The following PCBP3 variants were observed in gnomAD, a reference collection of about 807,000 sequenced individuals.
PCBP3 encodes poly(rC) binding protein 3, also known as poly(rC)-binding protein 3.
PCBP3 carries 25 observed loss-of-function variants against 52.7 expected under a neutral mutation model. The ratio of observed to expected loss-of-function variants is 0.47; its 90% CI spans 0.35 to 0.66. The LOEUF is 0.66. Ranked by LOEUF, PCBP3 falls within the 30% of genes least tolerant of loss-of-function variation. PCBP3 has a pLI of 0.01. For synonymous variants in PCBP3, 162 were observed against 183.0 expected (o/e 0.89, Z 0.93); for missense variants, 391 against 490.3 (o/e 0.80, Z 1.91).
chr21:45,908,557 G>A (rs868704025), intron 9 of PCBP3, among the ~76,000 whole-genome samples: 6 of 152,320 alleles, frequency 3.9e-5, no homozygotes, highest in Middle Eastern at 6.8e-3. Flanking sequence ...TGGATCCAGA[G>A]CTGGGGGTGT....
chr21:45,873,657 C>T (rs2095128481), intron 5 of PCBP3, among the ~76,000 whole-genome samples: 1 of 152,178 alleles, frequency 6.6e-6, no homozygotes, highest in Non-Finnish European at 1.5e-5. Context: ...ATTCACCTGC[C>T]CGTGCAGGGG....
At chr21:45,847,817 C>T (rs1376089597) in intron 4 of PCBP3, among the ~76,000 whole-genome samples, 1 of 152,172 alleles carries the variant, frequency 6.6e-6, no homozygotes, top group African/African-American at 2.4e-5. Flanking sequence ...TCAGTTTGTT[C>T]AAGTACATGA....
rs543327975 is a variant in PCBP3, at chr21:45,917,862, G to A, written c.717+233G>A. 366 of 562,828 alleles carry A rather than the reference G, an allele frequency of 6.5e-4. 6 individuals are homozygous for A. The highest frequency in any genetic ancestry group is 6.0e-3 in the South Asian group (328 of 54,482). The allele number at this position is 562,828 out of a possible 1,614,324, so 34.9% of individuals were successfully genotyped here. A position where few individuals can be genotyped will look rare whatever the true frequency, so the allele number is the denominator to read the frequency against. On this transcript the variant is annotated intron_variant, in intron 13 of 17. Coordinates refer to ENST00000681687, the MANE Select transcript of PCBP3 (RefSeq NM_001384156.1). The surrounding 1 kb of genome is among the most constrained non-coding windows in gnomAD (Gnocchi z 5.3). ...GATGTCAAATTGTCTCAATTCTGCC[G>A]CAGTCCTGGGTTTTCCTCCCTCCCA... is the stretch of plus-strand genomic sequence containing the variant.
chr21:45,702,318 C>T (rs2083181058), intron 2 of PCBP3, among the ~76,000 whole-genome samples: 1 of 152,150 alleles, frequency 6.6e-6, no homozygotes, highest in African/African-American at 2.4e-5. Flanking sequence ...TGAAGATTTT[C>T]CTAACGTTAA....
At chr21:45,914,127 G>T (rs750296934) in intron 12 of PCBP3, 102 bp downstream of exon 12, 9 of 1,580,004 alleles carry the variant, frequency 5.7e-6, no homozygotes, top group African/African-American at 1.4e-5. Context: ...GCCTTCTCAC[G>T]TGCACGTCTC....
chr21:45,925,546 G>A (rs998470489), intron 13 of PCBP3, among the ~76,000 whole-genome samples: 4 of 151,988 alleles, frequency 2.6e-5, no homozygotes, highest in African/African-American at 9.7e-5. Context: ...GAACAAATAG[G>A]CAAGCAAACA....
intron 9 of PCBP3, among the ~76,000 whole-genome samples, chr21:45,907,559 A>G (rs1296408646): frequency 2.0e-5 from 3 of 152,148 alleles, no homozygotes; most frequent in South Asian, 2.1e-4. Flanking sequence ...GGACTTTGCT[A>G]TGGGACCTTT....
In PCBP3 at chr21:45,791,324, G is replaced by C. The variant is rs1322436236; in HGVS notation, c.-126+35872G>C. 6.6e-6 allele frequency among the ~76,000 whole-genome samples: 1 copy of C among 152,242 alleles called. No individual in the cohort carries two copies. Among genetic ancestry groups the C allele is most frequent in the Non-Finnish European group, 1.5e-5 (1 of 68,048 alleles). Reference sequence around the variant, plus strand: ...AGGCTGGGAGCATGGCCAGCCCAGGGAGTGAGTGTGGTCACTGGTGTGTGT... The same window carrying C: ...AGGCTGGGAGCATGGCCAGCCCAGGCAGTGAGTGTGGTCACTGGTGTGTGT... On this transcript the variant is annotated intron_variant, in intron 4 of 17. Coordinates refer to ENST00000681687, the MANE Select transcript of PCBP3 (RefSeq NM_001384156.1). This position sits in a 1 kb window ranked among gnomAD's most constrained non-coding sequence, Gnocchi z 4.2.
chr21:45,855,357 G>A (rs2094239077), intron 5 of PCBP3, among the ~76,000 whole-genome samples: 1 of 152,150 alleles, frequency 6.6e-6, no homozygotes, highest in Non-Finnish European at 1.5e-5. Context: ...CTCATCCCCA[G>A]CTTCACATAC....
chr21:45,674,239 A>T, intron 2 of PCBP3, among the ~76,000 whole-genome samples: 1 of 152,184 alleles, frequency 6.6e-6, no homozygotes, highest in Admixed American at 6.5e-5. Flanking sequence ...GTTATTCTTT[A>T]TGTAGGAAGA....
intron 5 of PCBP3, among the ~76,000 whole-genome samples, chr21:45,886,087 G>A (rs1276355790): frequency 6.6e-6 from 1 of 152,124 alleles, no homozygotes; most frequent in Non-Finnish European, 1.5e-5. Context: ...AAGGGCAGAG[G>A]ACGTGGTGAG....
intron 6 of PCBP3, among the ~76,000 whole-genome samples, chr21:45,896,800 G>A (rs1054562943): frequency 1.3e-4 from 19 of 149,148 alleles, no homozygotes; most frequent in African/African-American, 4.5e-4. Flanking sequence ...CATTGTCTCT[G>A]TAGGAAAGGC....
chr21:45,789,300 A>T (rs2091377187), intron 4 of PCBP3, among the ~76,000 whole-genome samples: 1 of 152,152 alleles, frequency 6.6e-6, no homozygotes. Context: ...GTGTACCCGC[A>T]TGTGTGCGAG....
intron 4 of PCBP3, among the ~76,000 whole-genome samples, chr21:45,775,619 A>G (rs928404038): frequency 6.6e-6 from 1 of 152,120 alleles, no homozygotes; most frequent in African/African-American, 2.4e-5. Flanking sequence ...AGGTCTTGCT[A>G]TGTTGCCCAG....
intron 9 of PCBP3, among the ~76,000 whole-genome samples, chr21:45,905,273 G>T (rs1183265234): frequency 6.6e-6 from 1 of 152,154 alleles, no homozygotes; most frequent in Non-Finnish European, 1.5e-5. Flanking sequence ...CACTGGCCTC[G>T]CATCTGCAGT....
chr21:45,703,968 A>G (rs1224656190), intron 2 of PCBP3, among the ~76,000 whole-genome samples: 1 of 152,108 alleles, frequency 6.6e-6, no homozygotes, highest in East Asian at 1.9e-4. Context: ...GGGGTTTGGG[A>G]GAGAGGACCA....
intron 2 of PCBP3, among the ~76,000 whole-genome samples, chr21:45,689,488 C>T (rs928308079): frequency 3.9e-5 from 6 of 151,938 alleles, no homozygotes; most frequent in South Asian, 4.1e-4. Context: ...TACTTCATGG[C>T]GAATGACTGA....
In PCBP3 at chr21:45,662,671, G is replaced by A. The variant is rs1057055834; in HGVS notation, c.-278-6203G>A. Among the ~76,000 whole-genome samples the A allele has an allele frequency of 1.1e-4, 16 of 151,562 alleles. No individual in the cohort carries two copies. In the South Asian group the frequency reaches 1.5e-3, roughly 14 times the overall value. ...TTATTCAAATAATATAATAATCCCC[G>A]CTCTACAATCATAACCTAGAAAAAA... On this transcript the variant is annotated intron_variant, in intron 1 of 17. Transcript: ENST00000681687.
intron 2 of PCBP3, among the ~76,000 whole-genome samples, chr21:45,721,427 A>C (rs1474226544): frequency 1.3e-5 from 2 of 151,986 alleles, no homozygotes; most frequent in African/African-American, 2.4e-5. Context: ...AAAAAAAAAA[A>C]AAAACAACTC....
Sources: allele counts gnomAD v4.1 joint callset (sites outside exome capture counted in the v4.1 genomes callset), GRCh38; gene constraint gnomAD v4.1.1; non-coding constraint Gnocchi (gnomAD v3.1); transcripts MANE v1.5; gene names NCBI Gene and HGNC (gene_info 2026-07-23, HGNC 2026-07-21).